CENPP: variants seen among roughly 807,000 people sequenced by gnomAD.
CENPP encodes the protein centromere protein P.
Under a neutral mutation model 35.6 loss-of-function variants are expected in CENPP, and 24 were observed. The ratio of observed to expected loss-of-function variants is 0.67; its 90% CI spans 0.49 to 0.95. CENPP has a LOEUF of 0.95. Ranked by LOEUF, CENPP falls within the 40% of genes least tolerant of loss-of-function variation. The probability of loss-of-function intolerance (pLI) is 0.00; values close to 1 mark genes in which losing one functional copy is unlikely to be tolerated. For missense variants in CENPP, 332 were observed against 345.3 expected (o/e 0.96, Z 0.31); for synonymous variants, 120 against 125.5 (o/e 0.96, Z 0.29).
chr9:92,612,435 G>T, intron 6 of CENPP, 88 bp from the exon 7 acceptor site: 1 of 1,015,682 alleles, frequency 9.8e-7, no homozygotes. Context: ...CCAGCATGGG[G>T]AAATGGAGAC....
intron 5 of CENPP, among the ~76,000 whole-genome samples, chr9:92,381,300 T>A: frequency 6.8e-6 from 1 of 147,992 alleles, no homozygotes; most frequent in Non-Finnish European, 1.5e-5. Context: ...TTTTTTTTTT[T>A]TGAGACAGGG....
intron 5 of CENPP, chr9:92,470,522 T>A: frequency 2.1e-6 from 1 of 482,014 alleles, no homozygotes; most frequent in Non-Finnish European, 3.6e-6. Context: ...AATTTTTAAT[T>A]GACTAGAACG....
chr9:92,404,413 C>T, intron 5 of CENPP: 1 of 890,138 alleles, frequency 1.1e-6, no homozygotes, highest in Non-Finnish European at 1.5e-6. Context: ...CAGAGATGGC[C>T]TTTACATTTA....
intron 5 of CENPP, among the ~76,000 whole-genome samples, chr9:92,569,525 CTTTGT>C (rs1427944819): frequency 2.0e-5 from 3 of 152,140 alleles, no homozygotes; most frequent in Non-Finnish European, 4.4e-5. Context: ...ATGCCTCCAG[CTTTGT>C]TCTTTTTGCT....
In CENPP at chr9:92,495,843, T is replaced by C. The variant is rs185286072; in HGVS notation, c.565-115471T>C. On this transcript the variant is annotated intron_variant, in intron 5 of 7. Transcript: ENST00000375587. ...CCAGTAATTATAGCACAGGACCTTA[T>C]AAGAAATTAACAAATTATTGTTTTA... is the stretch of plus-strand genomic sequence containing the variant. 6 of 972,474 alleles carry C rather than the reference T, an allele frequency of 6.2e-6. No individual in the cohort carries two copies. The East Asian group carries it at 6.9e-4, about 111-fold the overall frequency. 60.2% of individuals were successfully genotyped at this position (972,474 alleles called of 1,614,324 possible). A position where few individuals can be genotyped will look rare whatever the true frequency, so the allele number is the denominator to read the frequency against.
chr9:92,471,170 G>A (rs1845499008), intron 5 of CENPP, among the ~76,000 whole-genome samples: 1 of 151,888 alleles, frequency 6.6e-6, no homozygotes, highest in Non-Finnish European at 1.5e-5. Context: ...TGCTAAATTG[G>A]AGCATATGGG....
chr9:92,579,263 A>G (rs1214503848), intron 5 of CENPP, among the ~76,000 whole-genome samples: 5 of 149,940 alleles, frequency 3.3e-5, no homozygotes, highest in Non-Finnish European at 7.4e-5. Context: ...CTTTTGGCTT[A>G]GGATTGACTT....
At chr9:92,398,594 T>G (rs906818967) in intron 5 of CENPP, among the ~76,000 whole-genome samples, 1 of 152,198 alleles carries the variant, frequency 6.6e-6, no homozygotes, top group African/African-American at 2.4e-5. Flanking sequence ...TGTTAGTTCT[T>G]AGAGATCTTC....
chr9:92,416,058 G>GTGTATATATATATATATATA (rs6151074), intron 5 of CENPP, among the ~76,000 whole-genome samples: 5 of 130,912 alleles, frequency 3.8e-5, no homozygotes, highest in South Asian at 2.5e-4. Context: ...ATATATGTGT[G>GTGTATATATATATATATATA]TATATATATA....
chr9:92,545,484 C>T (rs769562598), intron 5 of CENPP, among the ~76,000 whole-genome samples: 12 of 152,326 alleles, frequency 7.9e-5, no homozygotes, highest in African/African-American at 2.6e-4. Flanking sequence ...GCTGCCTCCC[C>T]GCGGGGCAGG....
chr9:92,337,781 T>G (rs1422016114), intron 3 of CENPP, 152 bp downstream of exon 3: 1 of 641,646 alleles, frequency 1.6e-6, no homozygotes, highest in African/African-American at 1.8e-5. Flanking sequence ...GTGGTACATT[T>G]TCAAAATTTC....
intron 5 of CENPP, among the ~76,000 whole-genome samples, chr9:92,407,680 C>T (rs1325075363): frequency 1.3e-5 from 2 of 152,162 alleles, no homozygotes; most frequent in Non-Finnish European, 2.9e-5. Context: ...GATCATGACT[C>T]TCTGCAGCCT....
chr9:92,505,669 A>G (rs770342013), intron 5 of CENPP: 2 of 1,593,122 alleles, frequency 1.3e-6, no homozygotes, highest in African/African-American at 2.7e-5. Context: ...TTCCAATTCT[A>G]AGGTGACCAA....
At chr9:92,610,207 C>T (rs1451185627) in intron 5 of CENPP, among the ~76,000 whole-genome samples, 1 of 152,156 alleles carries the variant, frequency 6.6e-6, no homozygotes, top group East Asian at 1.9e-4. Flanking sequence ...TGGCACGTGC[C>T]GCCAGGCCCG....
chr9:92,413,609 G>C (rs1333253131), intron 5 of CENPP, among the ~76,000 whole-genome samples: 1 of 152,162 alleles, frequency 6.6e-6, no homozygotes, highest in Non-Finnish European at 1.5e-5. Context: ...TGCAAGAAAA[G>C]GGAGGTGGGC....
rs528403723 is a variant in CENPP, at chr9:92,477,467, A to T, written c.564+97608A>T. 3.3e-5 allele frequency among the ~76,000 whole-genome samples: 5 copies of T among 152,232 alleles called. No individual in the cohort carries two copies. In the South Asian group the frequency reaches 1.0e-3, roughly 32 times the overall value. On this transcript the variant is annotated intron_variant, in intron 5 of 7. Coordinates refer to ENST00000375587, the MANE Select transcript of CENPP (RefSeq NM_001012267.3). ...CAAAGTTGGCCCCTGATTCCAGTTT[A>T]TTCTGTAACATTCTTGCATTACAGC...
At chr9:92,545,370 G>C (rs1453992611) in intron 5 of CENPP, among the ~76,000 whole-genome samples, 1 of 152,216 alleles carries the variant, frequency 6.6e-6, no homozygotes, top group Non-Finnish European at 1.5e-5. Flanking sequence ...CTGGGAGCGG[G>C]CAGTGAGGGA....
At chr9:92,367,982 T>C (rs1238176112) in intron 4 of CENPP, among the ~76,000 whole-genome samples, 1 of 152,256 alleles carries the variant, frequency 6.6e-6, no homozygotes, top group Non-Finnish European at 1.5e-5. Context: ...TTGTTAGTTG[T>C]TGCTTTTTTT....
chr9:92,453,116 T>C (rs1289465491), intron 5 of CENPP, among the ~76,000 whole-genome samples: 1 of 151,834 alleles, frequency 6.6e-6, no homozygotes, highest in East Asian at 1.9e-4. Flanking sequence ...CTGCTCTGAT[T>C]TTAGTTATTT....
Sources: allele counts gnomAD v4.1 joint callset (sites outside exome capture counted in the v4.1 genomes callset), GRCh38; gene constraint gnomAD v4.1.1; transcripts MANE v1.5; gene names NCBI Gene and HGNC (gene_info 2026-07-23, HGNC 2026-07-21).